POLQ: variants seen among roughly 807,000 people sequenced by gnomAD.
The protein encoded by POLQ is DNA polymerase theta, also known as epididymis secretory sperm binding protein.
POLQ carries 233 observed loss-of-function variants against 259.2 expected under a neutral mutation model. The observed-to-expected ratio is 0.90, with a 90% CI of 0.81 to 1.00. The LOEUF is 1.00. Ranked by LOEUF, POLQ falls within the 50% of genes least tolerant of loss-of-function variation. The pLI, the probability that POLQ is intolerant of heterozygous loss-of-function variation, is 0.00. For synonymous variants in POLQ, 1,025 were observed against 1,048.8 expected (o/e 0.98, Z 0.44); for missense variants, 2,871 against 3,051.6 (o/e 0.94, Z 1.39).
chr3:121,487,902 C>T lies in POLQ; in HGVS notation c.5029G>A (p.Glu1677Lys), dbSNP rs1234328258. 6.2e-7 allele frequency: 1 copy of T among 1,606,346 alleles called. No homozygotes were observed. The highest frequency in any genetic ancestry group is 8.5e-7 in the Non-Finnish European group (1 of 1,176,666). Residue 1677 changes from glutamate to lysine, a missense_variant, in exon 16 of 30, where the codon GAA becomes AAA. This residue lies in a region of POLQ where 2,080 missense variants were observed against 2,126.0 expected (regional missense o/e 0.98). Coordinates refer to ENST00000264233, the MANE Select transcript of POLQ (RefSeq NM_199420.4). Reference protein sequence around the residue: ...SLNRKNTELNEEQEVISNLET... With the variant: ...SLNRKNTELNKEQEVISNLET... Reference sequence around the variant, plus strand: ...AAGTTTGAAATAACTTCTTGTTCTTCATTTAACTCTGTATTTTTTCTATTC... The same window carrying T: ...AAGTTTGAAATAACTTCTTGTTCTTTATTTAACTCTGTATTTTTTCTATTC...
chr3:121,485,127 T>A lies in POLQ; in HGVS notation c.5687A>T (p.Asp1896Val). Residue 1896 changes from aspartate (D) to valine (V), a missense_variant, in exon 17 of 30, where the codon GAT becomes GTT. By Grantham distance (152) the Asp-to-Val change is radical. Transcript: ENST00000264233. ...RDDGFPIKGC[D>V]DTLVVGLAVC... ...TGCCAGTCCAACCACCAAGGTGTCATCACAACCTTTAATGGGAAATCCATC... is the reference window on the plus strand; with the variant it reads ...TGCCAGTCCAACCACCAAGGTGTCAACACAACCTTTAATGGGAAATCCATC... 1 of 1,610,580 alleles carries A rather than the reference T, an allele frequency of 6.2e-7. No individual in the cohort carries two copies. Among genetic ancestry groups the A allele is most frequent in the Non-Finnish European group, 8.5e-7 (1 of 1,177,268 alleles).
Position 121,472,039 on chromosome 3 carries a change from A to G in POLQ, c.6669T>C (p.Phe2223=), listed in dbSNP as rs1243746385. The change falls in exon 22 of 30, where the codon TTT becomes TTC. Residue 2223 remains phenylalanine (F), a synonymous_variant. Transcript: ENST00000264233. Reference sequence around the variant, plus strand: ...CAGGATAGATTCTTTCCATTCCAAGAAAAGGATTAAGACACTTTTCCCGCT... The same window carrying G: ...CAGGATAGATTCTTTCCATTCCAAGGAAAGGATTAAGACACTTTTCCCGCT... The part of the protein sequence containing the change: ...PLQREKCLNP[F]LGMERIYPVS... The G allele has an allele frequency of 6.3e-6, 10 of 1,580,540 alleles. No homozygotes were observed. Among genetic ancestry groups the G allele is most frequent in the Non-Finnish European group, 8.6e-6 (10 of 1,156,384 alleles).
At chr3:121,459,464 C>T (rs1485046839) in intron 25 of POLQ, among the ~76,000 whole-genome samples, 1 of 146,368 alleles carries the variant, frequency 6.8e-6, no homozygotes, top group Non-Finnish European at 1.5e-5. Flanking sequence ...TCACTGCAAG[C>T]TCCGCCTCCT....
chr3:121,478,177 T>C (rs1211369404), intron 19 of POLQ, among the ~76,000 whole-genome samples: 1 of 152,142 alleles, frequency 6.6e-6, no homozygotes, highest in African/African-American at 2.4e-5. Flanking sequence ...ACTCCTGTTC[T>C]GAAACAAAAC....
chr3:121,478,891 A>G (rs1321160541), intron 19 of POLQ, among the ~76,000 whole-genome samples: 1 of 152,224 alleles, frequency 6.6e-6, no homozygotes. Flanking sequence ...TGATTGAATT[A>G]CAGGGAAAAT....
rs1033361234 is a variant in POLQ, at chr3:121,494,659, C to T, written c.2279-938G>A. The stretch of plus-strand genomic sequence containing the variant: ...AAATGGGGGTCCCTTACTGCATTAC[C>T]AAGGGGAAGGCAAGACTGGGACGTC... On this transcript the variant is annotated intron_variant, in intron 14 of 29. Coordinates refer to ENST00000264233, the MANE Select transcript of POLQ (RefSeq NM_199420.4). The T allele has an allele frequency of 1.4e-5, 22 of 1,552,192 alleles. 1 individual carries two copies. The African/African-American group carries it at 2.7e-4, about 19-fold the overall frequency.
chr3:121,447,439 A>T (rs2047641184), intron 26 of POLQ, among the ~76,000 whole-genome samples: 1 of 152,028 alleles, frequency 6.6e-6, no homozygotes, highest in South Asian at 2.1e-4. Flanking sequence ...CTGGGATTAC[A>T]GGTGTGACCC....
At chr3:121,442,852 T>TTTTTG (rs201482412) in intron 26 of POLQ, among the ~76,000 whole-genome samples, 3,212 of 152,042 alleles carry the variant, frequency 0.021, 110 homozygotes, top group African/African-American at 0.073. Flanking sequence ...TATTTTTAGT[T>TTTTTG]TTTTGTTTTG....
At position 121,488,276 on chromosome 3, in the gene POLQ, T is replaced by A; in HGVS notation, c.4655A>T (p.Asn1552Ile). 1 of 1,612,826 alleles carries A rather than the reference T, an allele frequency of 6.2e-7. No homozygotes were observed. The highest frequency in any genetic ancestry group is 1.1e-5 in the South Asian group (1 of 90,816). The change falls in exon 16 of 30, where the codon AAT (asparagine) becomes ATT (isoleucine). Residue 1552 changes from asparagine to isoleucine, a missense_variant. Physicochemically the swap from Asn to Ile is moderately radical, Grantham distance 149. Coordinates refer to ENST00000264233, the MANE Select transcript of POLQ (RefSeq NM_199420.4). ...TTCTGAAAATATAATAGATTCATCA[T>A]TGGAACAAGTCAACTGCTGGTGGGT... The part of the protein sequence containing the change: ...QDTHQQLTCS[N>I]DESIIFSEMD...
chr3:121,501,661 C>CAAAAAA (rs60180456), intron 12 of POLQ, among the ~76,000 whole-genome samples: 2 of 39,942 alleles, frequency 5.0e-5, no homozygotes, highest in African/African-American at 1.1e-4. Context: ...GACTCCGTCT[C>CAAAAAA]AAAAAAAAAA....
chr3:121,457,336 T>C (rs1045920696), intron 25 of POLQ, among the ~76,000 whole-genome samples: 8 of 152,192 alleles, frequency 5.3e-5, no homozygotes, highest in Non-Finnish European at 1.0e-4. Context: ...AAGGACTTCA[T>C]GTCTAAAACA....
chr3:121,438,066 A>C (rs1467226796), intron 27 of POLQ, among the ~76,000 whole-genome samples: 1 of 152,196 alleles, frequency 6.6e-6, no homozygotes, highest in Non-Finnish European at 1.5e-5. Flanking sequence ...TGGTAGTTAC[A>C]CAGGTGTAGC....
intron 24 of POLQ, among the ~76,000 whole-genome samples, chr3:121,462,533 G>A (rs1041066855): frequency 6.6e-6 from 1 of 152,214 alleles, no homozygotes; most frequent in Non-Finnish European, 1.5e-5. Flanking sequence ...AATACACACA[G>A]GAATTCCCTT....
At chr3:121,439,863 G>A (rs1036911510) in intron 27 of POLQ, 129 bp downstream of exon 27, 12 of 781,400 alleles carry the variant, frequency 1.5e-5, no homozygotes, top group East Asian at 2.6e-5. Context: ...AATGGTTGAC[G>A]TTGTCTATAC....
At chr3:121,440,689 C>T (rs909901400) in intron 26 of POLQ, among the ~76,000 whole-genome samples, 54 of 152,194 alleles carry the variant, frequency 3.5e-4, no homozygotes, top group African/African-American at 1.1e-3. Context: ...AATTCCAGAA[C>T]GGGGCAGATA....
chr3:121,452,593 G>C (rs989219045), intron 25 of POLQ, among the ~76,000 whole-genome samples: 4 of 151,498 alleles, frequency 2.6e-5, no homozygotes, highest in Admixed American at 1.3e-4. Context: ...ACAAAAACTG[G>C]TATAGCATAA....
At position 121,493,382 on chromosome 3, in the gene POLQ, T is replaced by C. The variant is rs2048087092; in HGVS notation, c.2522+96A>G. The stretch of plus-strand genomic sequence containing the variant: ...TACACCAAGTATATAATAAGATTAT[T>C]TAAGAGAAAAATAACTTTAATACAT... On this transcript the variant is annotated intron_variant, in intron 15 of 29. Transcript: ENST00000264233. 4 of 907,896 alleles carry C rather than the reference T, an allele frequency of 4.4e-6. No individual in the cohort carries two copies. In the Admixed American group the frequency reaches 8.6e-5, roughly 19 times the overall value. 56.2% of individuals were successfully genotyped at this position (907,896 alleles called of 1,614,324 possible). A position where few individuals can be genotyped will look rare whatever the true frequency, so the allele number is the denominator to read the frequency against.
At chr3:121,519,846 T>C (rs1258244352) in intron 9 of POLQ, 25 bp downstream of exon 9, 2 of 1,256,356 alleles carry the variant, frequency 1.6e-6, no homozygotes, top group Non-Finnish European at 2.3e-6. Context: ...GCAATGCTGC[T>C]ACAATTAAAT....
Position 121,472,182 on chromosome 3 carries a change from G to A in POLQ, c.6544-18C>T. On this transcript the variant is annotated intron_variant, in intron 21 of 29. Coordinates refer to ENST00000264233, the MANE Select transcript of POLQ (RefSeq NM_199420.4). ...AAAACGTCCTGCCAAAAAAATATAA[G>A]GTAAGATTGAATTCTTGTCCAAATT... 1 of 1,280,336 alleles carries A rather than the reference G, an allele frequency of 7.8e-7. No individual in the cohort carries two copies. Among genetic ancestry groups the A allele is most frequent in the African/African-American group, 1.5e-5 (1 of 67,262 alleles). The allele number at this position is 1,280,336 out of a possible 1,614,324, so 79.3% of individuals were successfully genotyped here.
Sources: allele counts gnomAD v4.1 joint callset (sites outside exome capture counted in the v4.1 genomes callset), GRCh38; gene constraint gnomAD v4.1.1; regional missense constraint gnomAD v4.1.1; transcripts MANE v1.5; gene names NCBI Gene and HGNC (gene_info 2026-07-23, HGNC 2026-07-21).